CACHD1: variants seen among roughly 807,000 people sequenced by gnomAD.
CACHD1 encodes VWFA and cache domain-containing protein 1.
A neutral mutation model predicts 138.7 loss-of-function variants in CACHD1; 71 were observed. The observed-to-expected ratio is 0.51, with a 90% CI of 0.42 to 0.62. The LOEUF (loss-of-function observed/expected upper bound fraction) is 0.62, where lower values mean the gene tolerates loss of function less well. Among genes scored for constraint, CACHD1 ranks in the 20% least tolerant of loss-of-function variants. The probability of loss-of-function intolerance (pLI) is 0.00; values close to 1 mark genes in which losing one functional copy is unlikely to be tolerated. For missense variants in CACHD1, 1,389 were observed against 1,625.3 expected (o/e 0.85, Z 2.50); for synonymous variants, 578 against 591.5 (o/e 0.98, Z 0.33).
chr1:64,654,927 A>G, intron 12 of CACHD1, 124 bp downstream of exon 12: 1 of 669,780 alleles, frequency 1.5e-6, no homozygotes, highest in African/African-American at 1.8e-5. Context: ...GTGACTAATC[A>G]GTTTTTAAAG....
chr1:64,662,209 C>T (rs1649467927), intron 13 of CACHD1, among the ~76,000 whole-genome samples: 1 of 152,214 alleles, frequency 6.6e-6, no homozygotes, highest in Non-Finnish European at 1.5e-5. Context: ...TACATACATG[C>T]TTTTGGCAGA....
Position 64,639,228 on chromosome 1 carries a change from T to C in CACHD1, c.1007-2592T>C, listed in dbSNP as rs1648620343. ...GTTTGTGTCATACCATAGATCCTCCTCATGCTGTATCTATGTATATATGTT... is the reference window on the plus strand; with the variant it reads ...GTTTGTGTCATACCATAGATCCTCCCCATGCTGTATCTATGTATATATGTT... On this transcript the variant is annotated intron_variant, in intron 7 of 26. Coordinates refer to ENST00000651257, the MANE Select transcript of CACHD1 (RefSeq NM_020925.4). Among the ~76,000 whole-genome samples, 3 of 152,246 alleles carry C rather than the reference T, an allele frequency of 2.0e-5. No homozygotes were observed. In the South Asian group the frequency reaches 6.2e-4, roughly 31 times the overall value.
chr1:64,689,479 C>G (rs911759122), intron 26 of CACHD1, among the ~76,000 whole-genome samples: 2 of 152,170 alleles, frequency 1.3e-5, no homozygotes, highest in African/African-American at 4.8e-5. Context: ...GTTTAATTCT[C>G]TATCCCTCAC....
At chr1:64,685,164 A>G (rs1468448887) in intron 26 of CACHD1, among the ~76,000 whole-genome samples, 2 of 152,096 alleles carry the variant, frequency 1.3e-5, no homozygotes, top group Non-Finnish European at 2.9e-5. Context: ...TACCTCTTCT[A>G]TGTTTAGATA....
chr1:64,595,909 C>T (rs1647147076), intron 3 of CACHD1, among the ~76,000 whole-genome samples: 1 of 152,162 alleles, frequency 6.6e-6, no homozygotes, highest in South Asian at 2.1e-4. Context: ...TTGAAACCAG[C>T]CCTTGTTTCC....
chr1:64,613,400 T>C (rs964394039), intron 4 of CACHD1: 4 of 152,032 alleles, frequency 2.6e-5, no homozygotes, highest in African/African-American at 7.2e-5. Flanking sequence ...AAAAAGACTA[T>C]AGTGTTGTGT....
chr1:64,473,691 C>T (rs1442839572), intron 1 of CACHD1, among the ~76,000 whole-genome samples: 2 of 152,166 alleles, frequency 1.3e-5, no homozygotes, highest in Non-Finnish European at 2.9e-5. Context: ...TTTCAGGACA[C>T]CATCTCACTT....
intron 12 of CACHD1, among the ~76,000 whole-genome samples, 160 bp from the exon 13 acceptor site, chr1:64,658,545 A>G (rs147623594): frequency 6.6e-6 from 1 of 152,290 alleles, no homozygotes; most frequent in Non-Finnish European, 1.5e-5. Flanking sequence ...GATACCTTCT[A>G]TCACCCTATC....
intron 26 of CACHD1, among the ~76,000 whole-genome samples, chr1:64,684,366 T>C (rs1218548832): frequency 3.6e-4 from 51 of 142,618 alleles, no homozygotes; most frequent in African/African-American, 6.7e-4. Context: ...TCTTCTTCTT[T>C]TTTTTTTTTT....
intron 1 of CACHD1, among the ~76,000 whole-genome samples, chr1:64,540,757 G>A (rs189216362): frequency 2.0e-5 from 3 of 152,302 alleles, no homozygotes; most frequent in Admixed American, 2.0e-4. Flanking sequence ...TCAGAGTGCA[G>A]GCTGTCCCTT....
intron 1 of CACHD1, among the ~76,000 whole-genome samples, chr1:64,491,939 T>C (rs1557460600): frequency 1.4e-5 from 2 of 140,588 alleles, no homozygotes; most frequent in Non-Finnish European, 3.0e-5. Context: ...TGTTTGTTTG[T>C]TTTTTGTTTT....
intron 26 of CACHD1, among the ~76,000 whole-genome samples, chr1:64,689,386 G>T (rs1366091133): frequency 6.6e-6 from 1 of 151,900 alleles, no homozygotes; most frequent in Non-Finnish European, 1.5e-5. Context: ...CACCCCCACA[G>T]TCCCCCACAT....
chr1:64,594,443 A>G (rs1312773435), intron 3 of CACHD1, among the ~76,000 whole-genome samples: 1 of 152,156 alleles, frequency 6.6e-6, no homozygotes, highest in African/African-American at 2.4e-5. Flanking sequence ...ACTTGAGGTA[A>G]CTAGATGACC....
chr1:64,681,521 A>C (rs371546054), intron 25 of CACHD1, among the ~76,000 whole-genome samples, 186 bp downstream of exon 25: 1 of 118,592 alleles, frequency 8.4e-6, no homozygotes. Flanking sequence ...GTTTTAGAGA[A>C]TCTCAAAAGA....
At chr1:64,501,198 A>C (rs1005586617) in intron 1 of CACHD1, among the ~76,000 whole-genome samples, 14 of 152,204 alleles carry the variant, frequency 9.2e-5, no homozygotes, top group Non-Finnish European at 2.9e-5. Flanking sequence ...ATTTTAATAC[A>C]GAAGAAATTA....
intron 14 of CACHD1, chr1:64,664,139 G>A (rs1570463930): frequency 6.5e-6 from 3 of 461,644 alleles, no homozygotes; most frequent in East Asian, 7.1e-5. Flanking sequence ...TTACCCAGAG[G>A]AAGAAGTAAA....
chr1:64,631,139 G>A (rs1648289786), intron 5 of CACHD1, among the ~76,000 whole-genome samples: 1 of 152,318 alleles, frequency 6.6e-6, no homozygotes, highest in South Asian at 2.1e-4. Context: ...TCCCACTAAA[G>A]CAGCGTTTAA....
chr1:64,668,822 T>C (rs938205465), intron 16 of CACHD1, among the ~76,000 whole-genome samples: 45 of 152,244 alleles, frequency 3.0e-4, no homozygotes, highest in African/African-American at 1.0e-3. Context: ...CTACCTCTTA[T>C]GGTGCTCAGA....
chr1:64,637,299 A>T (rs923240940), intron 7 of CACHD1, among the ~76,000 whole-genome samples: 19 of 152,216 alleles, frequency 1.2e-4, no homozygotes, highest in African/African-American at 4.3e-4. Context: ...GAAGGTAATG[A>T]GGATGAGTTG....
Sources: allele counts gnomAD v4.1 joint callset (sites outside exome capture counted in the v4.1 genomes callset), GRCh38; gene constraint gnomAD v4.1.1; transcripts MANE v1.5; gene names NCBI Gene and HGNC (gene_info 2026-07-23, HGNC 2026-07-21).